Variants in FYCO1 observed in about 807,000 individuals in gnomAD.
FYCO1 encodes the protein FYVE and coiled-coil domain autophagy adaptor 1.
FYCO1 carries 122 observed loss-of-function variants against 165.1 expected under a neutral mutation model. That is an observed-to-expected ratio of 0.74 (90% CI 0.64 to 0.86). The LOEUF is 0.86. FYCO1 is among the 40% of genes least tolerant of loss of function. FYCO1 has a pLI of 0.00. For missense variants in FYCO1, 1,702 were observed against 1,810.3 expected (o/e 0.94, Z 1.09); for synonymous variants, 648 against 742.5 (o/e 0.87, Z 2.07).
chr3:45,929,604 G>A (rs1453675843), intron 16 of FYCO1, among the ~76,000 whole-genome samples: 3 of 152,170 alleles, frequency 2.0e-5, no homozygotes, highest in Non-Finnish European at 4.4e-5. Flanking sequence ...CATGTTGGCC[G>A]CACCAGGACC....
At position 45,973,207 on chromosome 3, in the gene FYCO1, G is replaced by A; in HGVS notation, c.420C>T (p.Pro140=). 6.2e-7 allele frequency: 1 copy of A among 1,614,206 alleles called. No homozygotes were observed. The highest frequency in any genetic ancestry group is 8.5e-7 in the Non-Finnish European group (1 of 1,180,026). ...CCGAGCTCAGCTTTGGCTGCAGAAAGGGGCTTCTTGCATAGTACCAGTCAC... is the reference window on the plus strand; with the variant it reads ...CCGAGCTCAGCTTTGGCTGCAGAAAAGGGCTTCTTGCATAGTACCAGTCAC... The part of the protein sequence containing the change: ...VTSDWYYARS[P]FLQPKLSSDI... Residue 140 remains proline (P), a synonymous_variant, in exon 6 of 18, where the codon CCC becomes CCT. Transcript: ENST00000296137.
intron 1 of FYCO1, among the ~76,000 whole-genome samples, chr3:45,988,726 C>G (rs1419187403): frequency 6.6e-6 from 1 of 152,164 alleles, no homozygotes; most frequent in Non-Finnish European, 1.5e-5. Context: ...TTAAGCCTAT[C>G]CAAAATGTCT....
At position 45,966,626 on chromosome 3, in the gene FYCO1, G is replaced by C. The variant is rs764152128; in HGVS notation, c.2708C>G (p.Thr903Arg). 1.2e-6 allele frequency: 2 copies of C among 1,614,162 alleles called. No homozygotes were observed. Among genetic ancestry groups the C allele is most frequent in the South Asian group, 2.2e-5 (2 of 91,080 alleles). ...CTGGATGCCCAGCTCAGCTGTGTCTGTGTTGGCCCGGTGCAGCTGCTCTTG... is the reference window on the plus strand; with the variant it reads ...CTGGATGCCCAGCTCAGCTGTGTCTCTGTTGGCCCGGTGCAGCTGCTCTTG... ...ELQEQLHRAN[T>R]DTAELGIQVC... The change falls in exon 8 of 18, where the codon ACA (threonine) becomes AGA (arginine). Residue 903 changes from threonine (T) to arginine (R), a missense_variant. Physicochemically the swap from Thr to Arg is moderately conservative, Grantham distance 71. Transcript: ENST00000296137.
At chr3:45,951,362 G>A (rs1705011686) in intron 14 of FYCO1, among the ~76,000 whole-genome samples, 1 of 152,188 alleles carries the variant, frequency 6.6e-6, no homozygotes, top group Non-Finnish European at 1.5e-5. Flanking sequence ...GCACTACCTA[G>A]AGCCATGGAG....
At chr3:45,969,433 C>T (rs973837533) in intron 7 of FYCO1, among the ~76,000 whole-genome samples, 9 of 152,164 alleles carry the variant, frequency 5.9e-5, no homozygotes, top group East Asian at 1.9e-4. Flanking sequence ...CTTTTAACCA[C>T]GGTGCTAAAC....
chr3:45,922,767 T>G (rs1001871455), intron 17 of FYCO1, among the ~76,000 whole-genome samples: 15 of 152,196 alleles, frequency 9.9e-5, no homozygotes, highest in Non-Finnish European at 1.3e-4. Flanking sequence ...GGTGAGGGGA[T>G]GACTCAGGTT....
chr3:45,938,253 G>A (rs1474347169), intron 14 of FYCO1: 46 of 1,288,680 alleles, frequency 3.6e-5, no homozygotes, highest in African/African-American at 4.6e-5. Flanking sequence ...CCCGACAGAC[G>A]CCCTGCATGA....
intron 14 of FYCO1, among the ~76,000 whole-genome samples, chr3:45,952,228 A>G (rs1705073441): frequency 6.6e-6 from 1 of 152,186 alleles, no homozygotes; most frequent in African/African-American, 2.4e-5. Flanking sequence ...GTGGCCTAAT[A>G]TTCCTCATGA....
At chr3:45,954,446 T>C (rs528020026) in intron 14 of FYCO1, among the ~76,000 whole-genome samples, 1 of 152,304 alleles carries the variant, frequency 6.6e-6, no homozygotes, top group African/African-American at 2.4e-5. Context: ...AGCCATACTC[T>C]GCCTTCATCA....
chr3:45,938,457 G>A (rs1264400861), intron 14 of FYCO1, among the ~76,000 whole-genome samples: 1 of 152,208 alleles, frequency 6.6e-6, no homozygotes, highest in Non-Finnish European at 1.5e-5. Context: ...ATTGCATGTT[G>A]TGAGGATAAG....
At chr3:45,925,075 G>A (rs1473775041) in intron 16 of FYCO1, among the ~76,000 whole-genome samples, 1 of 151,816 alleles carries the variant, frequency 6.6e-6, no homozygotes, top group Non-Finnish European at 1.5e-5. Context: ...GATTACAGGT[G>A]TACACCAACA....
At chr3:45,988,549 A>C (rs1707418223) in intron 1 of FYCO1, among the ~76,000 whole-genome samples, 1 of 152,158 alleles carries the variant, frequency 6.6e-6, no homozygotes, top group South Asian at 2.1e-4. Context: ...CACACACCTC[A>C]CAGGGCCCCC....
At chr3:45,947,924 G>A (rs181269519) in intron 14 of FYCO1, 68 of 211,592 alleles carry the variant, frequency 3.2e-4, no homozygotes, top group Non-Finnish European at 6.4e-4. Flanking sequence ...TGGGCAAAGA[G>A]TGTAGATCAG....
chr3:45,938,222 G>A (rs1360428198), intron 14 of FYCO1: 1 of 1,289,122 alleles, frequency 7.8e-7, no homozygotes, highest in Non-Finnish European at 1.0e-6. Flanking sequence ...CACAGAGCAG[G>A]TTTCCCAGAC....
rs1705864942 is a variant in FYCO1, at chr3:45,964,280, C to A, written c.3269+56G>T. The A allele has an allele frequency of 2.2e-6, 3 of 1,339,580 alleles. No individual in the cohort carries two copies. The highest frequency in any genetic ancestry group is 1.2e-5 in the South Asian group (1 of 85,608). 83.0% of individuals were successfully genotyped at this position (1,339,580 alleles called of 1,614,324 possible). ...GTGACTGACTTTCTAAATGACGAGACCAAACACTCCTTCCCTGAAGACTAC... is the reference window on the plus strand; with the variant it reads ...GTGACTGACTTTCTAAATGACGAGAACAAACACTCCTTCCCTGAAGACTAC... On this transcript the variant is annotated intron_variant, in intron 10 of 17. Transcript: ENST00000296137. This position sits in a 1 kb window ranked among gnomAD's most constrained non-coding sequence, Gnocchi z 4.1.
rs146254429 is a variant in FYCO1, at chr3:45,926,841, G to A, written c.4252-3076C>T. Among the ~76,000 whole-genome samples, 11 of 152,206 alleles carry A rather than the reference G, an allele frequency of 7.2e-5. No homozygotes were observed. The East Asian group carries it at 1.9e-3, about 27-fold the overall frequency. On this transcript the variant is annotated intron_variant, in intron 16 of 17. Transcript: ENST00000296137. ...TATCTGGGCATGGTGGCGCATGCCT[G>A]TAATCCCAGCTACTTGGGAGGCTGA...
rs375883111 is a variant in FYCO1, at chr3:45,966,358, G to C, written c.2976C>G (p.Leu992=). The part of the protein sequence containing the change: ...LAQAEQRAQS[L]QEAAHQELNT... ...TGAGCTCCTGGTGTGCAGCCTCTTG[G>C]AGGCTCTGGGCCCGCTGCTCTGCCT... Residue 992 remains leucine, a synonymous_variant, in exon 8 of 18, where the codon CTC becomes CTG. Transcript: ENST00000296137. 2 of 1,614,060 alleles carry C rather than the reference G, an allele frequency of 1.2e-6. No homozygotes were observed. Among genetic ancestry groups the C allele is most frequent in the African/African-American group, 2.7e-5 (2 of 74,930 alleles).
At chr3:45,973,644 C>T (rs926443582) in intron 5 of FYCO1, among the ~76,000 whole-genome samples, 1 of 152,054 alleles carries the variant, frequency 6.6e-6, no homozygotes, top group Non-Finnish European at 1.5e-5. Flanking sequence ...ATTTAAAAGC[C>T]AAGGAACAAA....
In FYCO1 at chr3:45,931,144, G is replaced by A; in HGVS notation, c.4178C>T (p.Ser1393Phe). The change falls in exon 16 of 18, where the codon TCC (serine) becomes TTC (phenylalanine). Residue 1393 changes from serine (S) to phenylalanine (F), a missense_variant. Transcript: ENST00000296137. ...GAAGGAGATGCTCTTGGGGTCAGAG[G>A]AGAAGACCCAGCTGATGGTGAGGCC... ...EAGLTISWVF[S>F]SDPKSISFSV... is the part of the protein sequence containing the mutation. 1.9e-6 allele frequency: 3 copies of A among 1,613,982 alleles called. No homozygotes were observed. The highest frequency in any genetic ancestry group is 2.2e-5 in the South Asian group (2 of 91,074).
Sources: gnomAD v4.1 joint callset for allele counts (sites outside exome capture counted in the v4.1 genomes callset) on GRCh38, gnomAD v4.1.1 for gene constraint, Gnocchi (gnomAD v3.1) non-coding constraint, MANE v1.5 for transcripts, NCBI Gene and HGNC (gene_info 2026-07-23, HGNC 2026-07-21) for gene names.